PABPC4L: variants seen among roughly 807,000 people sequenced by gnomAD.
PABPC4L encodes the protein polyadenylate-binding protein 4-like.
For synonymous variants in PABPC4L, 169 were observed against 164.1 expected (o/e 1.03, Z -0.23); for missense variants, 452 against 451.4 (o/e 1.00, Z -0.01).
chr4:134,193,155 A>C (rs1260418961), downstream of PABPC4L, among the ~76,000 whole-genome samples: 1 of 152,014 alleles, frequency 6.6e-6, no homozygotes, highest in East Asian at 1.9e-4. Context: ...CCAATACCCG[A>C]TAAAAGATTC....
chr4:134,139,179 G>T, the PABPC4L span, among the ~76,000 whole-genome samples: 1 of 151,774 alleles, frequency 6.6e-6, no homozygotes, highest in African/African-American at 2.4e-5. Context: ...TTGAAAATAT[G>T]AATTTTAAAC....
the PABPC4L span, among the ~76,000 whole-genome samples, chr4:134,131,176 TG>T: frequency 2.0e-5 from 3 of 152,034 alleles, no homozygotes; most frequent in Non-Finnish European, 2.9e-5. Flanking sequence ...AGAACAGTAC[TG>T]GAAGTCTTAA....
chr4:134,140,581 G>A, the PABPC4L span, among the ~76,000 whole-genome samples: 1 of 151,786 alleles, frequency 6.6e-6, no homozygotes, highest in Admixed American at 6.6e-5. Flanking sequence ...GTATAATAAG[G>A]TAGGGTGGAA....
chr4:134,110,057 T>C, the PABPC4L span, among the ~76,000 whole-genome samples: 130 of 152,166 alleles, frequency 8.5e-4, no homozygotes, highest in African/African-American at 2.8e-3. Context: ...AAGAAACATA[T>C]CACTTGCTTT....
the PABPC4L span, among the ~76,000 whole-genome samples, chr4:134,046,565 T>C: frequency 6.6e-6 from 1 of 151,988 alleles, no homozygotes; most frequent in Non-Finnish European, 1.5e-5. Flanking sequence ...ACAGACCCCT[T>C]ACGGGTATGG....
chr4:134,118,561 A>G, the PABPC4L span, among the ~76,000 whole-genome samples: 97 of 152,024 alleles, frequency 6.4e-4, no homozygotes, highest in African/African-American at 2.3e-3. Flanking sequence ...ACAAATATTT[A>G]AAGATTAATT....
chr4:134,003,769 A>G, the PABPC4L span, among the ~76,000 whole-genome samples: 2 of 151,914 alleles, frequency 1.3e-5, no homozygotes, highest in South Asian at 2.1e-4. Flanking sequence ...GGGAGCATCA[A>G]GAAATCTTTA....
the PABPC4L span, among the ~76,000 whole-genome samples, chr4:134,030,443 T>A: frequency 3.3e-5 from 5 of 152,252 alleles, no homozygotes; most frequent in East Asian, 9.7e-4. Flanking sequence ...TGACCCATTT[T>A]AATTTTTCTC....
downstream of PABPC4L, among the ~76,000 whole-genome samples, chr4:134,195,304 CA>C (rs1578879871): frequency 6.6e-6 from 1 of 151,638 alleles, no homozygotes; most frequent in African/African-American, 2.4e-5. Flanking sequence ...AGCACATGTA[CA>C]AAGTTGAAAT....
the PABPC4L span, among the ~76,000 whole-genome samples, chr4:134,033,599 G>A: frequency 6.6e-6 from 1 of 151,896 alleles, no homozygotes; most frequent in Non-Finnish European, 1.5e-5. Flanking sequence ...CAAATGATAA[G>A]GAAGTGAAAC....
chr4:134,074,908 G>A, the PABPC4L span, among the ~76,000 whole-genome samples: 3 of 152,088 alleles, frequency 2.0e-5, no homozygotes, highest in African/African-American at 7.2e-5. Context: ...ACTCTACATG[G>A]GGATTAGGGG....
chr4:134,082,115 A>G, the PABPC4L span, among the ~76,000 whole-genome samples: 5 of 152,202 alleles, frequency 3.3e-5, no homozygotes, highest in African/African-American at 1.2e-4. Flanking sequence ...AGCATAAGAC[A>G]AAGACTTTCT....
the PABPC4L span, among the ~76,000 whole-genome samples, chr4:133,985,386 G>A: frequency 6.6e-6 from 1 of 151,940 alleles, no homozygotes; most frequent in East Asian, 1.9e-4. Flanking sequence ...TATGCACTTT[G>A]GGGGTGATAT....
At chr4:134,124,737 A>G in the PABPC4L span, among the ~76,000 whole-genome samples, 1 of 152,064 alleles carries the variant, frequency 6.6e-6, no homozygotes, top group African/African-American at 2.4e-5. Context: ...TCAAATTCAC[A>G]GGGTGGCCTG....
At chr4:134,178,816 C>T in the PABPC4L span, among the ~76,000 whole-genome samples, 2 of 151,944 alleles carry the variant, frequency 1.3e-5, no homozygotes, top group East Asian at 3.9e-4. Context: ...AAAACTGATC[C>T]TTTGAAATAA....
chr4:134,158,992 A>T, the PABPC4L span, among the ~76,000 whole-genome samples: 1 of 152,196 alleles, frequency 6.6e-6, no homozygotes, highest in African/African-American at 2.4e-5. Flanking sequence ...ATCTAAACAT[A>T]TTGATACATA....
At chr4:134,004,283 A>T in the PABPC4L span, among the ~76,000 whole-genome samples, 1 of 151,878 alleles carries the variant, frequency 6.6e-6, no homozygotes, top group Admixed American at 6.6e-5. Context: ...AAAATCAAAC[A>T]ATTCAACAGG....
At chr4:134,149,895 A>G in the PABPC4L span, among the ~76,000 whole-genome samples, 2 of 152,120 alleles carry the variant, frequency 1.3e-5, no homozygotes, top group Non-Finnish European at 2.9e-5. Context: ...ACTTAGGGCT[A>G]AAGTTTATTC....
At chr4:133,987,644 C>T in the PABPC4L span, among the ~76,000 whole-genome samples, 5 of 152,022 alleles carry the variant, frequency 3.3e-5, no homozygotes, top group African/African-American at 7.2e-5. Flanking sequence ...GACCTTTGGT[C>T]TTAAAAAGAA....
Sources: allele counts gnomAD v4.1 joint callset (sites outside exome capture counted in the v4.1 genomes callset), GRCh38; gene constraint gnomAD v4.1.1; transcripts MANE v1.5; gene names NCBI Gene and HGNC (gene_info 2026-07-23, HGNC 2026-07-21).